Variants in DSCAM observed in about 807,000 individuals in gnomAD.
The protein encoded by DSCAM is DS cell adhesion molecule, also known as cell adhesion molecule DSCAM.
DSCAM carries 47 observed loss-of-function variants against 217.7 expected under a neutral mutation model. That is an observed-to-expected ratio of 0.22 (90% CI 0.17 to 0.28). DSCAM has a LOEUF of 0.28. Ranked by LOEUF, DSCAM falls within the 10% of genes least tolerant of loss-of-function variation. The pLI, the probability that DSCAM is intolerant of heterozygous loss-of-function variation, is 1.00. For synonymous variants in DSCAM, 1,056 were observed against 1,015.3 expected (o/e 1.04, Z -0.76); for missense variants, 2,080 against 2,618.3 (o/e 0.79, Z 4.49).
At chr21:40,335,915 C>A (rs756673708) in intron 8 of DSCAM, among the ~76,000 whole-genome samples, 43 of 152,138 alleles carry the variant, frequency 2.8e-4, no homozygotes, top group South Asian at 2.1e-4. Flanking sequence ...CCATGAATCC[C>A]AGCAGGGACA....
chr21:40,097,953 AAAAAGAAAGAAAGAAAG>A (rs2146601642), intron 20 of DSCAM, among the ~76,000 whole-genome samples: 1 of 93,408 alleles, frequency 1.1e-5, no homozygotes, highest in South Asian at 3.0e-4. Context: ...AAAAAAAAAA[AAAAAGAAAGAAAGAAAG>A]AAAGAAAGAA....
chr21:40,475,060 G>A (rs1408597346), intron 3 of DSCAM, among the ~76,000 whole-genome samples: 1 of 152,160 alleles, frequency 6.6e-6, no homozygotes, highest in Non-Finnish European at 1.5e-5. Flanking sequence ...GGATGCTGAA[G>A]TTGGAGAGCA....
chr21:40,395,610 T>TA (rs907067674), intron 3 of DSCAM, among the ~76,000 whole-genome samples: 9 of 151,506 alleles, frequency 5.9e-5, no homozygotes, highest in South Asian at 2.1e-4. Flanking sequence ...TCACAAAACT[T>TA]AAAAAAAAAT....
chr21:40,259,664 T>C (rs1202893665), intron 11 of DSCAM, among the ~76,000 whole-genome samples: 1 of 89,244 alleles, frequency 1.1e-5, no homozygotes, highest in Non-Finnish European at 1.8e-5. Context: ...AGCCATTCTT[T>C]TTTTTTTTTT....
chr21:40,026,319 G>A (rs1282494298), intron 32 of DSCAM, among the ~76,000 whole-genome samples: 2 of 141,910 alleles, frequency 1.4e-5, no homozygotes, highest in East Asian at 2.0e-4. Context: ...GAATAGGTGT[G>A]GTGTGGTGCT....
At position 40,189,253 on chromosome 21, in the gene DSCAM, G is replaced by A; in HGVS notation, c.2357-15C>T. The A allele has an allele frequency of 1.9e-6, 3 of 1,546,288 alleles. No individual in the cohort carries two copies. Among genetic ancestry groups the A allele is most frequent in the Non-Finnish European group, 1.7e-6 (2 of 1,147,920 alleles). On this transcript the variant is annotated splice_polypyrimidine_tract_variant and intron_variant, in intron 11 of 32. Transcript: ENST00000400454. The stretch of plus-strand genomic sequence containing the variant: ...CATCGCAGGAACTGAAAAAGCAAAA[G>A]GGACACAACTTGTTCAGCAAAGCAG...
chr21:40,796,427 T>A (rs185178603), intron 1 of DSCAM, among the ~76,000 whole-genome samples: 1 of 152,340 alleles, frequency 6.6e-6, no homozygotes, highest in Admixed American at 6.5e-5. Context: ...AAATCTTTGT[T>A]GTCATTGATC....
intron 30 of DSCAM, among the ~76,000 whole-genome samples, chr21:40,047,903 T>C (rs945606354): frequency 6.6e-6 from 1 of 152,126 alleles, no homozygotes; most frequent in Non-Finnish European, 1.5e-5. Context: ...GCAATAAAGA[T>C]TCAAGTCCAT....
At chr21:40,793,942 T>C (rs1015460342) in intron 1 of DSCAM, among the ~76,000 whole-genome samples, 2 of 152,128 alleles carry the variant, frequency 1.3e-5, no homozygotes, top group African/African-American at 4.8e-5. Flanking sequence ...CTTATTAGTT[T>C]TGTTGTTTGT....
In DSCAM at chr21:40,144,035, C is replaced by A. The variant is rs2090324220; in HGVS notation, c.3259+456G>T. Among the ~76,000 whole-genome samples, 1 of 152,044 alleles carries A rather than the reference C, an allele frequency of 6.6e-6. No individual in the cohort carries two copies. Among genetic ancestry groups the A allele is most frequent in the South Asian group, 2.1e-4 (1 of 4,824 alleles). On this transcript the variant is annotated intron_variant, in intron 17 of 32. Transcript: ENST00000400454. This position sits in a 1 kb window ranked among gnomAD's most constrained non-coding sequence, Gnocchi z 4.8. ...TTTATCTCGGCCGCTAGGGGGCGAT[C>A]GATCACTGTGCAATCTGAAAATTCC...
intron 9 of DSCAM, among the ~76,000 whole-genome samples, chr21:40,303,601 T>G (rs566653285): frequency 5.4e-4 from 82 of 152,178 alleles, no homozygotes; most frequent in Non-Finnish European, 1.0e-3. Flanking sequence ...AGACTTGGTG[T>G]CTTTATTTTA....
chr21:40,669,394 A>C (rs2090242421), intron 3 of DSCAM, among the ~76,000 whole-genome samples: 1 of 152,196 alleles, frequency 6.6e-6, no homozygotes, highest in South Asian at 2.1e-4. Context: ...GATACTCTCA[A>C]CGTGTACTCA....
intron 32 of DSCAM, among the ~76,000 whole-genome samples, chr21:40,032,200 T>G (rs377521075): frequency 6.6e-6 from 1 of 152,184 alleles, no homozygotes; most frequent in Non-Finnish European, 1.5e-5. Context: ...GTGGCTGTTG[T>G]GTGGGAACTG....
intron 3 of DSCAM, among the ~76,000 whole-genome samples, chr21:40,404,965 T>TAC (rs921344128): frequency 6.6e-6 from 1 of 152,214 alleles, no homozygotes; most frequent in African/African-American, 2.4e-5. Flanking sequence ...TTAGTGTGGT[T>TAC]ACAGCAAGGC....
intron 3 of DSCAM, among the ~76,000 whole-genome samples, chr21:40,534,260 T>A (rs2837684): frequency 0.22 from 33,749 of 152,188 alleles, 4,427 homozygotes; most frequent in African/African-American, 0.35. Context: ...TTTTGACATT[T>A]TCTAACCTTG....
chr21:40,362,702 G>A (rs967162662), intron 4 of DSCAM, among the ~76,000 whole-genome samples: 1 of 152,150 alleles, frequency 6.6e-6, no homozygotes, highest in East Asian at 1.9e-4. Flanking sequence ...AATACATTTA[G>A]TGGTTGTTGT....
rs2123706086 is a variant in DSCAM at position 40,847,106 on chromosome 21, C to A, written c.-445G>T. On this transcript the variant is annotated 5_prime_UTR_variant, in exon 1 of 33. In the 5' UTR this introduces an upstream ATG that the reference lacks. Coordinates refer to ENST00000400454, the MANE Select transcript of DSCAM (RefSeq NM_001389.5). ...AGGCTCATCTTTGCCGTGCTCCGGC[C>A]TCAGTCACATGGATCCCTCTGCCAA... The A allele has an allele frequency of 6.6e-6, 1 of 152,440 alleles. No homozygotes were observed. Among genetic ancestry groups the A allele is most frequent in the Non-Finnish European group, 1.5e-5 (1 of 68,120 alleles). The allele number at this position is 152,440 out of a possible 1,614,324, so 9.4% of individuals were successfully genotyped here. A position where few individuals can be genotyped will look rare whatever the true frequency, so the allele number is the denominator to read the frequency against.
chr21:40,740,652 G>A (rs1569012708), intron 1 of DSCAM, among the ~76,000 whole-genome samples: 1 of 152,202 alleles, frequency 6.6e-6, no homozygotes, highest in Non-Finnish European at 1.5e-5. Flanking sequence ...CCATCTGGAA[G>A]GAGTCAAGGT....
intron 1 of DSCAM, among the ~76,000 whole-genome samples, chr21:40,805,941 C>T (rs915641940): frequency 1.3e-5 from 2 of 152,102 alleles, no homozygotes; most frequent in Admixed American, 6.5e-5. Context: ...ATCTCCTGAC[C>T]TTGTGATCTG....
Sources: gnomAD v4.1 joint callset for allele counts (sites outside exome capture counted in the v4.1 genomes callset) on GRCh38, gnomAD v4.1.1 for gene constraint, Gnocchi (gnomAD v3.1) non-coding constraint, MANE v1.5 for transcripts, NCBI Gene and HGNC (gene_info 2026-07-23, HGNC 2026-07-21) for gene names.